Variants in CUX2 observed in about 807,000 individuals in gnomAD.
CUX2 encodes cut like homeobox 2.
A neutral mutation model predicts 144.8 loss-of-function variants in CUX2; 40 were observed. The observed-to-expected ratio is 0.28, with a 90% CI of 0.21 to 0.36. CUX2 has a LOEUF of 0.36. Among genes scored for constraint, CUX2 ranks in the 10% least tolerant of loss-of-function variants. The pLI, the probability that CUX2 is intolerant of heterozygous loss-of-function variation, is 1.00. For missense variants in CUX2, 1,615 were observed against 1,994.0 expected, an observed-to-expected ratio of 0.81 and a Z score of 3.62; for synonymous variants, 827 against 875.6, an observed-to-expected ratio of 0.94 and a Z score of 0.98.
chr12:111,256,600 G>T (rs1408000279), intron 3 of CUX2, among the ~76,000 whole-genome samples: 1 of 152,078 alleles, frequency 6.6e-6, no homozygotes, highest in East Asian at 1.9e-4. Context: ...GTGCAGTCTC[G>T]ATGGCAGGTC....
intron 1 of CUX2, among the ~76,000 whole-genome samples, chr12:111,143,573 C>G (rs1876471883): frequency 2.0e-5 from 3 of 152,242 alleles, no homozygotes; most frequent in African/African-American, 7.2e-5. Flanking sequence ...GTAATACCCA[C>G]TAGTATAAAC....
intron 1 of CUX2, among the ~76,000 whole-genome samples, chr12:111,147,040 C>G (rs922628159): frequency 5.9e-5 from 9 of 152,104 alleles, no homozygotes; most frequent in African/African-American, 2.2e-4. Context: ...GAGGCTGAGG[C>G]AGGAGAATTG....
intron 1 of CUX2, among the ~76,000 whole-genome samples, chr12:111,161,983 G>T (rs1435254857): frequency 6.6e-6 from 1 of 152,230 alleles, no homozygotes; most frequent in Non-Finnish European, 1.5e-5. Context: ...CGATCCTCCT[G>T]CCTTGGCCTC....
rs1447822444 is a variant in CUX2, at chr12:111,322,424, C to T, written c.2770C>T (p.Leu924=). 5.1e-6 allele frequency: 8 copies of T among 1,558,074 alleles called. No individual in the cohort carries two copies. The highest frequency in any genetic ancestry group is 6.9e-6 in the Non-Finnish European group (8 of 1,152,260). Residue 924 remains leucine (L), a synonymous_variant, in exon 18 of 22, where the codon CTG becomes TTG. Coordinates refer to ENST00000261726, the MANE Select transcript of CUX2 (RefSeq NM_015267.4). This position sits in a 1 kb window ranked among gnomAD's most constrained non-coding sequence, Gnocchi z 4.2. ...ICQRIFGEKV[L]GLSQGSVSDM... The stretch of plus-strand genomic sequence containing the variant: ...CCCCCTGGCCCGCCCCTCGCAGGTG[C>T]TGGGCCTGTCACAGGGCAGCGTGAG...
chr12:111,127,022 G>A (rs1875127087), intron 1 of CUX2, among the ~76,000 whole-genome samples: 1 of 152,118 alleles, frequency 6.6e-6, no homozygotes. Context: ...CAATATTCAA[G>A]TACCGTAATA....
At chr12:111,283,356 G>A (rs180948011) in intron 4 of CUX2, among the ~76,000 whole-genome samples, 10 of 152,240 alleles carry the variant, frequency 6.6e-5, no homozygotes, top group South Asian at 4.2e-4. Flanking sequence ...GACTACCCCC[G>A]CCGTGCTCAG....
At position 111,341,835 on chromosome 12, in the gene CUX2, G is replaced by C; in HGVS notation, c.3441G>C (p.Pro1147=). The C allele has an allele frequency of 6.2e-7, 1 of 1,612,958 alleles. No individual in the cohort carries two copies. Among genetic ancestry groups the C allele is most frequent in the Admixed American group, 1.7e-5 (1 of 59,916 alleles). ...GCACCGGCTCAGACAGTGAGTCCCC[G>C]GCCACCCGCTCAGAGTGCCCCAGCC... The part of the protein sequence containing the change: ...LISTGSDSES[P]ATRSECPSPC... Residue 1147 remains proline (P), a synonymous_variant, in exon 21 of 22, where the codon CCG becomes CCC. Transcript: ENST00000261726.
chr12:111,252,339 A>G (rs1391965887), intron 3 of CUX2, among the ~76,000 whole-genome samples: 1 of 152,228 alleles, frequency 6.6e-6, no homozygotes, highest in Non-Finnish European at 1.5e-5. Flanking sequence ...TGACTGCCCA[A>G]GGTGAATGGG....
At chr12:111,339,943 C>T (rs2136444530) in intron 20 of CUX2, among the ~76,000 whole-genome samples, 1 of 152,340 alleles carries the variant, frequency 6.6e-6, no homozygotes, top group East Asian at 1.9e-4. Context: ...CACCTGTAAT[C>T]CTAGCACTTT....
At chr12:111,204,587 C>T (rs1182291562) in intron 1 of CUX2, among the ~76,000 whole-genome samples, 1 of 152,154 alleles carries the variant, frequency 6.6e-6, no homozygotes, top group Non-Finnish European at 1.5e-5. Flanking sequence ...AGGTTCGGGT[C>T]CCCATGATGG....
At chr12:111,238,531 C>T (rs1281163559) in intron 3 of CUX2, among the ~76,000 whole-genome samples, 3 of 152,178 alleles carry the variant, frequency 2.0e-5, no homozygotes, top group African/African-American at 7.2e-5. Context: ...GGTTAGGTAA[C>T]TTACCCAAGG....
At position 111,190,439 on chromosome 12, in the gene CUX2, C is replaced by T. The variant is rs78582901; in HGVS notation, c.64-23761C>T. On this transcript the variant is annotated intron_variant, in intron 1 of 21. Coordinates refer to ENST00000261726, the MANE Select transcript of CUX2 (RefSeq NM_015267.4). The surrounding 1 kb of genome is among the most constrained non-coding windows in gnomAD (Gnocchi z 4.0). Reference sequence around the variant, plus strand: ...CCACACTCTTGTTCCTGACCTTTCTCAGGGAGACATCTCCCCAAATTCATG... The same window carrying T: ...CCACACTCTTGTTCCTGACCTTTCTTAGGGAGACATCTCCCCAAATTCATG... Among the ~76,000 whole-genome samples the T allele has an allele frequency of 0.038, 5,777 of 152,248 alleles. 164 individuals carry two copies. Among genetic ancestry groups the T allele is most frequent in the African/African-American group, 0.081 (3,353 of 41,514 alleles).
intron 1 of CUX2, among the ~76,000 whole-genome samples, chr12:111,145,469 A>G (rs1355357551): frequency 6.6e-6 from 1 of 152,196 alleles, no homozygotes; most frequent in Non-Finnish European, 1.5e-5. Flanking sequence ...CTTGGGCTCA[A>G]GCAATCCTCC....
intron 1 of CUX2, among the ~76,000 whole-genome samples, chr12:111,187,416 CT>C (rs1054235307): frequency 1.3e-5 from 2 of 152,188 alleles, no homozygotes; most frequent in African/African-American, 4.8e-5. Context: ...TGACCCTCCC[CT>C]GGCCCCCCCA....
intron 1 of CUX2, among the ~76,000 whole-genome samples, chr12:111,173,776 C>T (rs1028962805): frequency 3.3e-5 from 5 of 152,186 alleles, no homozygotes; most frequent in African/African-American, 4.8e-5. Context: ...TGAAAAAAAT[C>T]GCCAGGCTCT....
intron 1 of CUX2, among the ~76,000 whole-genome samples, chr12:111,134,506 A>G (rs1257234808): frequency 1.3e-5 from 2 of 152,128 alleles, no homozygotes; most frequent in African/African-American, 4.8e-5. Flanking sequence ...CTGAATACTC[A>G]TCCTTAAAAT....
At chr12:111,212,169 C>T (rs1881270991) in intron 1 of CUX2, among the ~76,000 whole-genome samples, 1 of 152,136 alleles carries the variant, frequency 6.6e-6, no homozygotes, top group African/African-American at 2.4e-5. Context: ...CTGGATATTT[C>T]GGTTGTGGTC....
intron 3 of CUX2, among the ~76,000 whole-genome samples, chr12:111,243,357 C>G (rs565207558): frequency 7.0e-4 from 106 of 152,238 alleles, no homozygotes; most frequent in Non-Finnish European, 1.4e-3. Context: ...ACAATATGAT[C>G]TACCCTCAAA....
intron 1 of CUX2, among the ~76,000 whole-genome samples, chr12:111,095,398 G>A (rs1311862160): frequency 6.6e-6 from 1 of 152,170 alleles, no homozygotes; most frequent in Non-Finnish European, 1.5e-5. Context: ...GGTTGAGGCT[G>A]CAGTGAGCTG....
Sources: gnomAD v4.1 joint callset for allele counts (sites outside exome capture counted in the v4.1 genomes callset) on GRCh38, gnomAD v4.1.1 for gene constraint, Gnocchi (gnomAD v3.1) non-coding constraint, MANE v1.5 for transcripts, NCBI Gene and HGNC (gene_info 2026-07-23, HGNC 2026-07-21) for gene names.